The following DISP1 variants were observed in gnomAD, a reference collection of about 807,000 sequenced individuals.
DISP1 encodes the protein dispatched RND transporter family member 1, also known as protein dispatched homolog 1.
Under a neutral mutation model 37.3 loss-of-function variants are expected in DISP1, and 30 were observed. That is an observed-to-expected ratio of 0.80 (90% CI 0.60 to 1.09). The LOEUF (loss-of-function observed/expected upper bound fraction) is 1.09, where lower values mean the gene tolerates loss of function less well. Among genes scored for constraint, DISP1 ranks in the 50% least tolerant of loss-of-function variants. The probability of loss-of-function intolerance (pLI) is 0.00; values close to 1 mark genes in which losing one functional copy is unlikely to be tolerated. For synonymous variants in DISP1, 634 were observed against 690.2 expected, an observed-to-expected ratio of 0.92 and a Z score of 1.28; for missense variants, 1,598 against 1,879.5, an observed-to-expected ratio of 0.85 and a Z score of 2.77.
chr1:222,907,032 T>C (rs2125414298), intron 1 of DISP1, among the ~76,000 whole-genome samples: 1 of 152,328 alleles, frequency 6.6e-6, no homozygotes, highest in African/African-American at 2.4e-5. Context: ...AGCAAGTACT[T>C]CATAAATATT....
intron 8 of DISP1, 146 bp from the exon 9 acceptor site, chr1:223,002,239 A>G (rs911317200): frequency 1.2e-6 from 1 of 818,440 alleles, no homozygotes; most frequent in African/African-American, 1.7e-5. Context: ...CCTGTATTCA[A>G]ACTGATTCCT....
intron 1 of DISP1, among the ~76,000 whole-genome samples, chr1:222,879,674 A>G (rs1670167465): frequency 6.6e-6 from 1 of 152,172 alleles, no homozygotes; most frequent in Non-Finnish European, 1.5e-5. Context: ...AGATAAAGTT[A>G]ATATATGTAA....
intron 8 of DISP1, among the ~76,000 whole-genome samples, chr1:223,001,300 G>A (rs887236361): frequency 6.6e-6 from 1 of 152,094 alleles, no homozygotes; most frequent in Non-Finnish European, 1.5e-5. Flanking sequence ...AAGGATTTTT[G>A]CCAATTTGAA....
At chr1:222,984,307 T>C (rs186634582) in intron 4 of DISP1, among the ~76,000 whole-genome samples, 108 of 150,600 alleles carry the variant, frequency 7.2e-4, no homozygotes, top group African/African-American at 2.4e-3. Flanking sequence ...CTTGGAAGGC[T>C]GTGGTCGGAG....
At chr1:222,921,537 C>T (rs1405831383) in intron 1 of DISP1, among the ~76,000 whole-genome samples, 1 of 152,126 alleles carries the variant, frequency 6.6e-6, no homozygotes, top group Non-Finnish European at 1.5e-5. Context: ...AGGGTGAAAG[C>T]TAATTACTGT....
At chr1:222,943,602 A>G (rs766032054) in intron 3 of DISP1, 89 of 512,584 alleles carry the variant, frequency 1.7e-4, no homozygotes, top group Non-Finnish European at 2.8e-4. Context: ...CTTGAGTTAT[A>G]AAATTCAACA....
intron 3 of DISP1, among the ~76,000 whole-genome samples, chr1:222,964,578 AAT>A (rs1676328703): frequency 6.6e-6 from 1 of 152,218 alleles, no homozygotes; most frequent in Non-Finnish European, 1.5e-5. Flanking sequence ...GGATCACACA[AAT>A]AATCGTGAGG....
chr1:222,939,278 G>A (rs1323206445), intron 2 of DISP1, among the ~76,000 whole-genome samples: 1 of 150,670 alleles, frequency 6.6e-6, no homozygotes, highest in Admixed American at 6.6e-5. Context: ...TTTAACTCTT[G>A]TGTAACTACA....
chr1:222,888,701 T>G (rs1416236554), intron 1 of DISP1, among the ~76,000 whole-genome samples: 1 of 152,046 alleles, frequency 6.6e-6, no homozygotes, highest in Non-Finnish European at 1.5e-5. Flanking sequence ...ACTGAGAGAG[T>G]AACCAAATCG....
At chr1:222,894,137 T>C (rs180811378) in intron 1 of DISP1, among the ~76,000 whole-genome samples, 4 of 152,100 alleles carry the variant, frequency 2.6e-5, no homozygotes, top group Non-Finnish European at 1.5e-5. Flanking sequence ...TGATCCATGG[T>C]TGGGCCCAGA....
chr1:222,909,927 G>A (rs568132646), intron 1 of DISP1, among the ~76,000 whole-genome samples: 1 of 152,174 alleles, frequency 6.6e-6, no homozygotes, highest in South Asian at 2.1e-4. Context: ...AACGTTAGCT[G>A]CCAGCTCTGC....
intron 1 of DISP1, among the ~76,000 whole-genome samples, chr1:222,850,767 T>C (rs528664785): frequency 2.0e-3 from 307 of 152,302 alleles, no homozygotes; most frequent in Middle Eastern, 3.4e-3. Context: ...TCAAAAGACA[T>C]GATCTCATTC....
chr1:222,911,260 T>C (rs1672192707), intron 1 of DISP1, among the ~76,000 whole-genome samples: 1 of 152,164 alleles, frequency 6.6e-6, no homozygotes. Flanking sequence ...AATTAGATAT[T>C]AGTATAAAGT....
In DISP1 at chr1:223,005,262, C is replaced by T. The variant is rs1484385404; in HGVS notation, c.3865C>T (p.Gln1289Ter). 1 of 1,614,004 alleles carries T rather than the reference C, an allele frequency of 6.2e-7. No individual in the cohort carries two copies. The highest frequency in any genetic ancestry group is 1.1e-5 in the South Asian group (1 of 91,088). ...HLNYGPHSCQ[Q>*]MGDCLCHQCS... ...GAACTATGGCCCACACTCTTGCCAG[C>T]AGATGGGGGACTGCTTGTGCCACCA... The change falls in exon 9 of 9, where the codon CAG becomes TAG. Residue 1289 changes from glutamine to a stop codon, truncating the protein, a stop_gained. Transcript: ENST00000675850. LOFTEE classifies it low-confidence loss of function (END_TRUNC).
rs1324053527 is a variant in DISP1 at position 222,943,207 on chromosome 1, T to C, written c.384T>C (p.Cys128=). The C allele has an allele frequency of 6.2e-7, 1 of 1,610,106 alleles. No homozygotes were observed. The highest frequency in any genetic ancestry group is 1.3e-5 in the African/African-American group (1 of 74,956). ...QPHSEYSASL[C]PNHSPVYQTT... is the part of the protein sequence containing the mutation. ...ACTCCGAGTATTCTGCATCTCTTTG[T>C]CCAAATCATTCACCTGTGTATCAGA... The change falls in exon 3 of 9, where the codon TGT becomes TGC. Residue 128 remains cysteine (C), a synonymous_variant. Transcript: ENST00000675850.
intron 8 of DISP1, among the ~76,000 whole-genome samples, chr1:222,999,095 ACT>A (rs767984215): frequency 6.7e-5 from 10 of 150,198 alleles, no homozygotes; most frequent in Non-Finnish European, 1.3e-4. Context: ...ATCATTTAAA[ACT>A]CTCTGCTGGT....
intron 1 of DISP1, among the ~76,000 whole-genome samples, chr1:222,902,210 G>A (rs1221926024): frequency 1.3e-5 from 2 of 152,092 alleles, no homozygotes; most frequent in East Asian, 3.9e-4. Flanking sequence ...TTTTGAATGT[G>A]TTTGCTCTTG....
intron 1 of DISP1, among the ~76,000 whole-genome samples, chr1:222,838,333 A>AT (rs1472321585): frequency 1.3e-5 from 2 of 151,522 alleles, no homozygotes; most frequent in Admixed American, 6.6e-5. Flanking sequence ...TTTTATTCCC[A>AT]TTTTTTCTTT....
rs545919380 is a variant in DISP1 at position 222,992,965 on chromosome 1, G to A, written c.889+855G>A. The stretch of plus-strand genomic sequence containing the variant: ...CAACCTCCATCTCCCAGGTTCAAGC[G>A]ATTCTCCTGCTTCAGCCTTCCCGAG... On this transcript the variant is annotated intron_variant, in intron 7 of 8. Transcript: ENST00000675850. Among the ~76,000 whole-genome samples the A allele has an allele frequency of 1.0e-4, 15 of 148,716 alleles. No individual in the cohort carries two copies. In the East Asian group the frequency reaches 3.1e-3, roughly 30 times the overall value.
Sources: gnomAD v4.1 joint callset for allele counts (sites outside exome capture counted in the v4.1 genomes callset) on GRCh38, gnomAD v4.1.1 for gene constraint, MANE v1.5 for transcripts, NCBI Gene and HGNC (gene_info 2026-07-23, HGNC 2026-07-21) for gene names.